The following EGFLAM variants were observed in gnomAD, a reference collection of about 807,000 sequenced individuals.
EGFLAM encodes pikachurin.
A neutral mutation model predicts 113.1 loss-of-function variants in EGFLAM; 79 were observed. The observed-to-expected ratio is 0.70, with a 90% CI of 0.58 to 0.84. The LOEUF (loss-of-function observed/expected upper bound fraction) is 0.84. Among genes scored for constraint, EGFLAM ranks in the 40% least tolerant of loss-of-function variants. The pLI is 0.00. For missense variants in EGFLAM, 1,265 were observed against 1,291.6 expected, an observed-to-expected ratio of 0.98 and a Z score of 0.32; for synonymous variants, 504 against 487.6, an observed-to-expected ratio of 1.03 and a Z score of -0.44.
intron 1 of EGFLAM, among the ~76,000 whole-genome samples, chr5:38,314,596 C>T (rs933456512): frequency 7.9e-5 from 12 of 152,214 alleles, no homozygotes; most frequent in Non-Finnish European, 1.5e-4. Context: ...GGCATTGGGT[C>T]CCCTGGACAG....
chr5:38,271,037 TGAG>T (rs1757753333), intron 1 of EGFLAM, among the ~76,000 whole-genome samples: 1 of 152,224 alleles, frequency 6.6e-6, no homozygotes, highest in African/African-American at 2.4e-5. Context: ...TTTCCTCAAA[TGAG>T]GACTTTTGGT....
At chr5:38,404,899 A>G (rs1741231575) in intron 6 of EGFLAM, among the ~76,000 whole-genome samples, 1 of 152,212 alleles carries the variant, frequency 6.6e-6, no homozygotes, top group Admixed American at 6.5e-5. Flanking sequence ...TGTGCAACCT[A>G]AATCAGAGCG....
intron 17 of EGFLAM, among the ~76,000 whole-genome samples, chr5:38,443,818 T>C (rs1463443801): frequency 2.7e-5 from 4 of 150,414 alleles, no homozygotes; most frequent in Admixed American, 2.7e-4. Flanking sequence ...CACCCCAGGC[T>C]GGAGTGCAGT....
At chr5:38,284,628 C>A (rs1396692295) in intron 1 of EGFLAM, among the ~76,000 whole-genome samples, 1 of 152,184 alleles carries the variant, frequency 6.6e-6, no homozygotes, top group African/African-American at 2.4e-5. Flanking sequence ...CCTCATTCAT[C>A]ACTGACATTG....
chr5:38,446,330 T>C (rs535940350), intron 17 of EGFLAM, among the ~76,000 whole-genome samples: 41 of 152,226 alleles, frequency 2.7e-4, no homozygotes, highest in Admixed American at 1.4e-3. Context: ...CCTTTTCTGT[T>C]TCCCGTCCTT....
Position 38,412,494 on chromosome 5 carries a change from T to G in EGFLAM, c.1350-10T>G. 6.2e-7 allele frequency: 1 copy of G among 1,614,070 alleles called. No homozygotes were observed. Among genetic ancestry groups the G allele is most frequent in the Admixed American group, 1.7e-5 (1 of 59,994 alleles). ...TCAAGAAATCTTCTTTTCCTTTTCC[T>G]CCCCAACAGGTTTAATTGTGGAACT... is the stretch of plus-strand genomic sequence containing the variant. On this transcript the variant is annotated splice_polypyrimidine_tract_variant and intron_variant, in intron 10 of 21. Coordinates refer to ENST00000322350, the MANE Select transcript of EGFLAM (RefSeq NM_152403.4).
At chr5:38,434,696 T>C (rs550362069) in intron 15 of EGFLAM, among the ~76,000 whole-genome samples, 1 of 152,346 alleles carries the variant, frequency 6.6e-6, no homozygotes, top group South Asian at 2.1e-4. Flanking sequence ...CATGGTGAAC[T>C]ACTCTCTGGC....
chr5:38,333,723 G>A (rs1347136016), intron 1 of EGFLAM, among the ~76,000 whole-genome samples: 1 of 151,996 alleles, frequency 6.6e-6, no homozygotes, highest in Admixed American at 6.6e-5. Context: ...TGCATAGACT[G>A]CAAATATTTT....
chr5:38,375,596 T>C (rs1354803109), intron 6 of EGFLAM, among the ~76,000 whole-genome samples: 1 of 152,212 alleles, frequency 6.6e-6, no homozygotes, highest in African/African-American at 2.4e-5. Flanking sequence ...CCCTACTAAC[T>C]GGGGAAGCTT....
At chr5:38,450,784 T>C (rs1462488316) in intron 18 of EGFLAM, among the ~76,000 whole-genome samples, 1 of 151,794 alleles carries the variant, frequency 6.6e-6, no homozygotes, top group Non-Finnish European at 1.5e-5. Context: ...TGGCTCTGCC[T>C]CAACACCACT....
At chr5:38,458,439 G>A (rs1743163246) in intron 20 of EGFLAM, 45 bp downstream of exon 20, 1 of 1,585,254 alleles carries the variant, frequency 6.3e-7, no homozygotes, top group African/African-American at 1.3e-5. Context: ...GCTGAGCAGT[G>A]GTGGGATGTG....
At chr5:38,408,899 G>T (rs781732366) in intron 9 of EGFLAM, 105 bp from the exon 10 acceptor site, 6 of 936,972 alleles carry the variant, frequency 6.4e-6, no homozygotes, top group Non-Finnish European at 1.0e-5. Flanking sequence ...AGATAGGATC[G>T]TGGAGGAGAA....
intron 12 of EGFLAM, among the ~76,000 whole-genome samples, chr5:38,419,038 G>A (rs1741746187): frequency 6.6e-6 from 1 of 152,148 alleles, no homozygotes; most frequent in Admixed American, 6.5e-5. Flanking sequence ...GGTTCCTGGA[G>A]AGGCCTCTCT....
intron 6 of EGFLAM, among the ~76,000 whole-genome samples, chr5:38,385,849 T>A (rs1265124270): frequency 6.6e-6 from 1 of 152,236 alleles, no homozygotes; most frequent in Non-Finnish European, 1.5e-5. Flanking sequence ...AATGCACCAT[T>A]AGGTGATTTC....
chr5:38,456,259 T>A (rs1743082560), intron 19 of EGFLAM, among the ~76,000 whole-genome samples: 1 of 152,164 alleles, frequency 6.6e-6, no homozygotes, highest in Non-Finnish European at 1.5e-5. Context: ...GATGAGAATA[T>A]GAAGCAAGTT....
At chr5:38,439,216 G>A (rs1190148376) in intron 17 of EGFLAM, among the ~76,000 whole-genome samples, 6 of 152,130 alleles carry the variant, frequency 3.9e-5, no homozygotes, top group African/African-American at 1.2e-4. Flanking sequence ...ACCCTAGACT[G>A]AAAGCCAAGG....
In EGFLAM at chr5:38,324,658, GA is replaced by G. The variant is rs149437052; in HGVS notation, c.98-12850del. Among the ~76,000 whole-genome samples the G allele has an allele frequency of 8.9e-3, 1,291 of 144,344 alleles. 16 individuals carry two copies. The highest frequency in any genetic ancestry group is 8.2e-3 in the Non-Finnish European group (535 of 65,476). 94.7% of individuals were successfully genotyped at this position (144,344 alleles called of 152,430 possible). A position where few individuals can be genotyped will look rare whatever the true frequency, so the allele number is the denominator to read the frequency against. On this transcript the variant is annotated intron_variant, in intron 1 of 21. Transcript: ENST00000322350. ...TGTGCTGCACTCAACTGCTTTACAG[GA>G]AAAAAAAAAAAGTTTCATTTACAAA...
chr5:38,260,494 A>G (rs1222084662), intron 1 of EGFLAM, among the ~76,000 whole-genome samples: 2 of 152,084 alleles, frequency 1.3e-5, no homozygotes, highest in Non-Finnish European at 2.9e-5. Context: ...AAGATTTTCT[A>G]CCTGGTTCAT....
intron 15 of EGFLAM, 151 bp downstream of exon 15, chr5:38,431,439 C>T (rs1742185029): frequency 3.0e-6 from 2 of 676,950 alleles, no homozygotes; most frequent in Non-Finnish European, 5.0e-6. Flanking sequence ...GGGCAAATTA[C>T]TTAACTTTTC....
Sources: allele counts gnomAD v4.1 joint callset (sites outside exome capture counted in the v4.1 genomes callset), GRCh38; gene constraint gnomAD v4.1.1; transcripts MANE v1.5; gene names NCBI Gene and HGNC (gene_info 2026-07-23, HGNC 2026-07-21).